Variants in CES5A observed in about 807,000 individuals in gnomAD.
CES5A encodes carboxylesterase 5.
Under a neutral mutation model 62.9 loss-of-function variants are expected in CES5A, and 67 were observed. The observed-to-expected ratio is 1.07, with a 90% CI of 0.88 to 1.31. CES5A has a LOEUF of 1.31. Ranked by LOEUF, CES5A falls within the 50% of genes most tolerant of loss-of-function variation. CES5A has a pLI of 0.00. For missense variants in CES5A, 748 were observed against 708.5 expected (o/e 1.06, Z -0.63); for synonymous variants, 296 against 280.8 (o/e 1.05, Z -0.54).
At chr16:55,954,463 A>G (rs1359014503) in intron 1 of CES5A, among the ~76,000 whole-genome samples, 1 of 152,172 alleles carries the variant, frequency 6.6e-6, no homozygotes, top group African/African-American at 2.4e-5. Flanking sequence ...CTCTCCCCCT[A>G]CACATGCCCC....
chr16:55,886,759 A>G (rs1358833497), intron 1 of CES5A, among the ~76,000 whole-genome samples: 3 of 152,062 alleles, frequency 2.0e-5, no homozygotes, highest in African/African-American at 7.2e-5. Flanking sequence ...CCTACTCAGG[A>G]TATGGATTTA....
At chr16:55,880,027 T>A (rs147307843), upstream of CES5A, among the ~76,000 whole-genome samples, 520 of 152,346 alleles carry the variant, frequency 3.4e-3, 4 homozygotes, top group African/African-American at 0.011. Context: ...TTTTGATGAC[T>A]CTATTATTTA....
chr16:55,883,723 C>T (rs2033785047), intron 1 of CES5A, among the ~76,000 whole-genome samples: 1 of 152,180 alleles, frequency 6.6e-6, no homozygotes, highest in South Asian at 2.1e-4. Context: ...TTTCCGCTTC[C>T]CCAATGTGAT....
intron 2 of CES5A, among the ~76,000 whole-genome samples, chr16:55,932,907 T>G (rs1257967412): frequency 6.6e-6 from 1 of 152,212 alleles, no homozygotes; most frequent in Non-Finnish European, 1.5e-5. Flanking sequence ...GTAGGGACAT[T>G]AATTAGGTGA....
upstream of CES5A, chr16:55,875,420 A>C: frequency 7.7e-7 from 1 of 1,300,168 alleles, no homozygotes; most frequent in Non-Finnish European, 1.0e-6. Context: ...TCTGATTTAC[A>C]TAAGAAGCTG....
At chr16:55,880,348 G>C (rs1378625330), upstream of CES5A, among the ~76,000 whole-genome samples, 1 of 152,188 alleles carries the variant, frequency 6.6e-6, no homozygotes, top group African/African-American at 2.4e-5. Flanking sequence ...CAACAGAAGG[G>C]TCATGAGAGC....
chr16:55,894,398 C>A (rs1378686919), intron 1 of CES5A, among the ~76,000 whole-genome samples: 1 of 146,746 alleles, frequency 6.8e-6, no homozygotes, highest in Non-Finnish European at 1.5e-5. Flanking sequence ...GTCCCAGCTA[C>A]TTGGGAGGCT....
At chr16:55,897,266 C>T (rs2033943607) in intron 1 of CES5A, among the ~76,000 whole-genome samples, 1 of 152,074 alleles carries the variant, frequency 6.6e-6, no homozygotes, top group Non-Finnish European at 1.5e-5. Context: ...AGCACTTTGC[C>T]TAGGGTTAGT....
rs765817323 is a variant in CES5A at position 55,863,383 on chromosome 16, AAGGGATG to A, written c.768_774del (p.Ile257ThrfsTer31). ...TTCTCATAATCATGGGCCTCCAGGT[AAGGGATG>A]ATGGCCACCCCACTCTCCATGATGG... is the stretch of plus-strand genomic sequence containing the variant. On this transcript the variant is annotated frameshift_variant, in exon 6 of 13. Transcript: ENST00000290567. LOFTEE classifies it high-confidence loss of function. 11 of 1,606,246 alleles carry A rather than the reference AAGGGATG, an allele frequency of 6.8e-6. No homozygotes were observed. The highest frequency in any genetic ancestry group is 1.1e-5 in the South Asian group (1 of 90,896).
chr16:55,876,191 C>T (rs2033690819), upstream of CES5A, among the ~76,000 whole-genome samples: 1 of 152,210 alleles, frequency 6.6e-6, no homozygotes, highest in Admixed American at 6.5e-5. Flanking sequence ...CAAAGCTCAG[C>T]CCTAGACCTT....
At chr16:55,869,890 G>C (rs2033548044) in intron 3 of CES5A, 146 bp from the exon 4 acceptor site, 1 of 1,180,034 alleles carries the variant, frequency 8.5e-7, no homozygotes, top group Non-Finnish European at 1.2e-6. Context: ...AGAAGGCCCA[G>C]GGTTAAGCAT....
intron 1 of CES5A, among the ~76,000 whole-genome samples, chr16:55,901,751 A>C (rs1300483323): frequency 3.3e-5 from 5 of 152,152 alleles, no homozygotes; most frequent in Non-Finnish European, 5.9e-5. Flanking sequence ...TACACCTCTC[A>C]TTTTATATGT....
At position 55,863,431 on chromosome 16, in the gene CES5A, CT is replaced by C; in HGVS notation, c.726del (p.Gly243AlafsTer47). 1 of 1,602,628 alleles carries C rather than the reference CT, an allele frequency of 6.2e-7. No individual in the cohort carries two copies. Among genetic ancestry groups the C allele is most frequent in the Non-Finnish European group, 8.5e-7 (1 of 1,170,954 alleles). On this transcript the variant is annotated frameshift_variant, in exon 6 of 13. Coordinates refer to ENST00000290567, the MANE Select transcript of CES5A (RefSeq NM_001143685.2). LOFTEE classifies it high-confidence loss of function. ...VSSLILSPMA[K>X]GLFHKAIMES... ...TCCATGATGGCTTTGTGGAATAAGC[CT>C]TTGGCCATGGGAGACAGTATCTGGA...
At chr16:55,857,065 G>T (rs1441202572) in intron 8 of CES5A, among the ~76,000 whole-genome samples, 2 of 152,160 alleles carry the variant, frequency 1.3e-5, no homozygotes, top group East Asian at 1.9e-4. Flanking sequence ...TTTCCAAACT[G>T]GTGTTTGTTG....
chr16:55,916,435 G>A (rs2034149441), intron 1 of CES5A, among the ~76,000 whole-genome samples: 1 of 152,180 alleles, frequency 6.6e-6, no homozygotes, highest in East Asian at 1.9e-4. Flanking sequence ...AAGTTAGCTT[G>A]GACTAAGCCC....
chr16:55,937,532 A>G (rs1407763148), intron 2 of CES5A, among the ~76,000 whole-genome samples: 1 of 152,096 alleles, frequency 6.6e-6, no homozygotes, highest in Non-Finnish European at 1.5e-5. Context: ...AGCTATGCCA[A>G]AACAAAACCA....
At chr16:55,847,264 CCT>C (rs1387177693) in intron 11 of CES5A, among the ~76,000 whole-genome samples, 10 of 149,732 alleles carry the variant, frequency 6.7e-5, no homozygotes, top group Admixed American at 1.3e-4. Flanking sequence ...CTCTCTCTCC[CCT>C]CTCTCTTCCT....
intron 1 of CES5A, among the ~76,000 whole-genome samples, chr16:55,895,396 G>A (rs1236930408): frequency 1.3e-5 from 2 of 152,238 alleles, no homozygotes; most frequent in African/African-American, 4.8e-5. Flanking sequence ...CCCAAAGCGT[G>A]GGAGCCCAGC....
rs79261821 is a variant in CES5A, at chr16:55,849,762, G to A, written c.1285C>T (p.Pro429Ser). Residue 429 changes from proline (P) to serine (S), a missense_variant, in exon 11 of 13, where the codon CCT becomes TCT. Physicochemically the swap from Pro to Ser is moderately conservative, Grantham distance 74. Transcript: ENST00000290567. ...TGCCGAAACTCATAGAAGTAGACAGGTGCACCAGCATCTGACAAAAGGTCA... is the reference window on the plus strand; with the variant it reads ...TGCCGAAACTCATAGAAGTAGACAGATGCACCAGCATCTGACAAAAGGTCA... ...TARYHRDAGA[P>S]VYFYEFRHRP... 4.2e-4 allele frequency: 675 copies of A among 1,613,874 alleles called. 4 individuals carry two copies. In the African/African-American group the frequency reaches 8.5e-3, roughly 20 times the overall value.
Sources: gnomAD v4.1 joint callset for allele counts (sites outside exome capture counted in the v4.1 genomes callset) on GRCh38, gnomAD v4.1.1 for gene constraint, MANE v1.5 for transcripts, NCBI Gene and HGNC (gene_info 2026-07-23, HGNC 2026-07-21) for gene names.